MGLL: variants seen among roughly 807,000 people sequenced by gnomAD.
MGLL encodes lysophospholipase homolog.
Under a neutral mutation model 29.1 loss-of-function variants are expected in MGLL, and 7 were observed. The ratio of observed to expected loss-of-function variants is 0.24; its 90% CI spans 0.14 to 0.45. The LOEUF is 0.45. MGLL is among the 20% of genes least tolerant of loss of function. The pLI is 0.99. For missense variants in MGLL, 356 were observed against 413.6 expected (o/e 0.86, Z 1.21); for synonymous variants, 148 against 168.3 (o/e 0.88, Z 0.93).
intron 3 of MGLL, among the ~76,000 whole-genome samples, chr3:127,762,332 G>C (rs2076779984): frequency 6.6e-6 from 1 of 151,944 alleles, no homozygotes; most frequent in Non-Finnish European, 1.5e-5. Flanking sequence ...CCATTTCCTG[G>C]TCACATGCTG....
intron 3 of MGLL, among the ~76,000 whole-genome samples, chr3:127,767,913 T>C (rs1389290422): frequency 2.0e-5 from 3 of 152,214 alleles, no homozygotes; most frequent in African/African-American, 7.2e-5. Context: ...GACTGTTTAA[T>C]CCTCATAACA....
At position 127,695,196 on chromosome 3, in the gene MGLL, GGAA is replaced by G. The variant is rs1203770626; in HGVS notation, c.601-9_601-7del. On this transcript the variant is annotated splice_polypyrimidine_tract_variant and splice_region_variant and intron_variant, in intron 6 of 7. Transcript: ENST00000265052. ...TCTGAGTTATAAATGTCGACCTGGA[GGAA>G]GAAGGAGAGGGTTCCATCAGCATGG... 2.5e-6 allele frequency: 4 copies of G among 1,612,846 alleles called. No individual in the cohort carries two copies. Among genetic ancestry groups the G allele is most frequent in the Admixed American group, 1.7e-5 (1 of 60,002 alleles).
intron 2 of MGLL, among the ~76,000 whole-genome samples, chr3:127,807,912 C>A (rs972852383): frequency 6.6e-6 from 1 of 151,782 alleles, no homozygotes; most frequent in South Asian, 2.1e-4. Flanking sequence ...CAGGTGCCCA[C>A]CACCATACCC....
chr3:127,737,027 G>A (rs2076253923), intron 3 of MGLL, among the ~76,000 whole-genome samples: 1 of 152,122 alleles, frequency 6.6e-6, no homozygotes. Context: ...CAAGCTGGGA[G>A]GGAAGAGTCA....
intron 3 of MGLL, among the ~76,000 whole-genome samples, chr3:127,737,785 C>T (rs992231041): frequency 1.8e-4 from 28 of 151,552 alleles, no homozygotes; most frequent in Non-Finnish European, 4.0e-4. Flanking sequence ...GCTGGGATTA[C>T]AGGCATGCAC....
At chr3:127,735,774 T>TA in intron 3 of MGLL, 1 of 1,598,390 alleles carries the variant, frequency 6.3e-7, no homozygotes, top group Non-Finnish European at 8.5e-7. Context: ...TTGTATGGTT[T>TA]CAGAGGAGAA....
rs1380639098 is a variant in MGLL at position 127,726,500 on chromosome 3, C to T, written c.263-3934G>A. 3.9e-5 allele frequency among the ~76,000 whole-genome samples: 6 copies of T among 151,992 alleles called. 1 individual carries two copies. Among genetic ancestry groups the T allele is most frequent in the Non-Finnish European group, 5.9e-5 (4 of 68,008 alleles). ...TGTTGCCCAAGCTGGAGTGCAGTGG[C>T]GCAATCTCGGCTCACTGCAAGCTCC... On this transcript the variant is annotated intron_variant, in intron 3 of 7. Coordinates refer to ENST00000265052, the MANE Select transcript of MGLL (RefSeq NM_007283.7).
chr3:127,704,506 G>T (rs1180728439), intron 6 of MGLL, among the ~76,000 whole-genome samples: 1 of 151,984 alleles, frequency 6.6e-6, no homozygotes, highest in East Asian at 1.9e-4. Context: ...CCTGACAAAG[G>T]TCTAATATCC....
chr3:127,717,696 C>A (rs1222334763), intron 5 of MGLL, among the ~76,000 whole-genome samples: 1 of 152,186 alleles, frequency 6.6e-6, no homozygotes, highest in Non-Finnish European at 1.5e-5. Flanking sequence ...AGACCCCCAT[C>A]CCTCAAGCTT....
chr3:127,792,922 T>G (rs2077325372), intron 2 of MGLL, among the ~76,000 whole-genome samples: 1 of 152,204 alleles, frequency 6.6e-6, no homozygotes, highest in African/African-American at 2.4e-5. Flanking sequence ...CGTGTTTTGC[T>G]TTTTAACACA....
intron 3 of MGLL, among the ~76,000 whole-genome samples, chr3:127,754,230 C>T (rs746777851): frequency 6.6e-6 from 1 of 152,230 alleles, no homozygotes; most frequent in Non-Finnish European, 1.5e-5. Flanking sequence ...CTGCCGCCCA[C>T]TCCCCACCAA....
intron 2 of MGLL, among the ~76,000 whole-genome samples, chr3:127,806,507 CGAAT>C (rs1559982660): frequency 1.3e-5 from 2 of 150,382 alleles, no homozygotes; most frequent in East Asian, 1.9e-4. Context: ...GATGGATGAA[CGAAT>C]GAATGGATGG....
chr3:127,710,517 C>G, intron 6 of MGLL, 59 bp downstream of exon 6: 1 of 1,416,194 alleles, frequency 7.1e-7, no homozygotes, highest in Admixed American at 2.0e-5. Context: ...AGCCAAAACT[C>G]TGATTCCCCA....
At chr3:127,803,187 C>A (rs2077508436) in intron 2 of MGLL, among the ~76,000 whole-genome samples, 1 of 152,128 alleles carries the variant, frequency 6.6e-6, no homozygotes, top group East Asian at 1.9e-4. Context: ...GCCATGTTGG[C>A]CAGGCTGGTC....
intron 2 of MGLL, among the ~76,000 whole-genome samples, chr3:127,812,057 C>T (rs2077672334): frequency 6.6e-6 from 1 of 152,254 alleles, no homozygotes. Flanking sequence ...TCACTCTCTG[C>T]AGCAGAAACA....
intron 3 of MGLL, among the ~76,000 whole-genome samples, chr3:127,778,285 C>T (rs2077068260): frequency 6.6e-6 from 1 of 152,192 alleles, no homozygotes; most frequent in African/African-American, 2.4e-5. Flanking sequence ...TTCAGAACGG[C>T]CTGTGCAGGC....
chr3:127,755,055 G>A (rs955251148), intron 3 of MGLL, among the ~76,000 whole-genome samples: 19 of 152,174 alleles, frequency 1.2e-4, no homozygotes, highest in South Asian at 4.1e-4. Flanking sequence ...GCACAGTCAC[G>A]AGCTGTGGCA....
chr3:127,724,894 G>A (rs570229662), intron 3 of MGLL, among the ~76,000 whole-genome samples: 1 of 152,224 alleles, frequency 6.6e-6, no homozygotes, highest in Admixed American at 6.5e-5. Context: ...AAAACATGGG[G>A]ACAGTCTAAA....
chr3:127,783,045 C>T (rs773467318), intron 2 of MGLL, among the ~76,000 whole-genome samples: 10 of 145,438 alleles, frequency 6.9e-5, no homozygotes, highest in Non-Finnish European at 1.5e-4. Context: ...CATGGTGGCA[C>T]ACACCTGTAA....
Sources: gnomAD v4.1 joint callset for allele counts (sites outside exome capture counted in the v4.1 genomes callset) on GRCh38, gnomAD v4.1.1 for gene constraint, MANE v1.5 for transcripts, NCBI Gene and HGNC (gene_info 2026-07-23, HGNC 2026-07-21) for gene names.